The following VTI1A variants were observed in gnomAD, a reference collection of about 807,000 sequenced individuals.
The protein encoded by VTI1A is vesicle transport through interaction with t-SNAREs homolog 1A.
In VTI1A, 22 loss-of-function variants were observed where a neutral mutation model predicts 34.9. The observed-to-expected ratio is 0.63, with a 90% CI of 0.45 to 0.90. VTI1A has a LOEUF of 0.90. Ranked by LOEUF, VTI1A falls within the 40% of genes least tolerant of loss-of-function variation. VTI1A has a pLI of 0.00. For synonymous variants in VTI1A, 87 were observed against 97.3 expected, an observed-to-expected ratio of 0.89 and a Z score of 0.62; for missense variants, 268 against 275.6, an observed-to-expected ratio of 0.97 and a Z score of 0.20.
intron 1 of VTI1A, among the ~76,000 whole-genome samples, chr10:112,452,191 G>C (rs985069795): frequency 1.3e-5 from 2 of 152,128 alleles, no homozygotes; most frequent in Non-Finnish European, 2.9e-5. Context: ...ATGAGCTGCT[G>C]GGCAAGGTCC....
intron 5 of VTI1A, among the ~76,000 whole-genome samples, chr10:112,663,314 A>G (rs1253257326): frequency 1.3e-5 from 2 of 152,216 alleles, no homozygotes; most frequent in Non-Finnish European, 2.9e-5. Flanking sequence ...CGAAGTTGGT[A>G]TCAAAGTTGC....
chr10:112,505,531 G>A (rs1349809244), intron 3 of VTI1A, among the ~76,000 whole-genome samples: 3 of 152,066 alleles, frequency 2.0e-5, no homozygotes, highest in African/African-American at 7.2e-5. Flanking sequence ...AATAATAGTA[G>A]TGTTAGTGGT....
chr10:112,531,791 G>A (rs938416508), intron 4 of VTI1A, among the ~76,000 whole-genome samples: 1 of 152,144 alleles, frequency 6.6e-6, no homozygotes. Flanking sequence ...TTCCCAGATC[G>A]TCTCTTTCTG....
At chr10:112,570,244 AT>A (rs989660096) in intron 5 of VTI1A, among the ~76,000 whole-genome samples, 2,261 of 149,676 alleles carry the variant, frequency 0.015, 56 homozygotes, top group African/African-American at 0.053. Context: ...TGTGTACAAA[AT>A]TTTTTTTTTT....
At chr10:112,707,152 C>T (rs1256878714) in intron 7 of VTI1A, among the ~76,000 whole-genome samples, 4 of 151,846 alleles carry the variant, frequency 2.6e-5, no homozygotes, top group South Asian at 4.2e-4. Flanking sequence ...TTTTGTGGCG[C>T]GGGGAGGGGT....
At chr10:112,537,538 A>G (rs1049923747) in intron 4 of VTI1A, among the ~76,000 whole-genome samples, 3 of 151,922 alleles carry the variant, frequency 2.0e-5, no homozygotes, top group African/African-American at 7.2e-5. Context: ...AGAGGTATAT[A>G]TAATTACTGT....
chr10:112,478,032 C>CTT (rs1331146208), intron 3 of VTI1A, among the ~76,000 whole-genome samples: 7 of 152,038 alleles, frequency 4.6e-5, no homozygotes, highest in African/African-American at 1.7e-4. Flanking sequence ...AAATTTTTTA[C>CTT]TTTTTTGAAT....
chr10:112,698,778 A>G (rs573434646), intron 7 of VTI1A, among the ~76,000 whole-genome samples: 1 of 152,346 alleles, frequency 6.6e-6, no homozygotes, highest in African/African-American at 2.4e-5. Flanking sequence ...TCATTGTTGA[A>G]CACAGGCAGA....
At chr10:112,789,711 T>C (rs1852398701) in intron 7 of VTI1A, among the ~76,000 whole-genome samples, 1 of 152,200 alleles carries the variant, frequency 6.6e-6, no homozygotes, top group African/African-American at 2.4e-5. Flanking sequence ...TATATTCAAC[T>C]GTAGAATTTC....
intron 3 of VTI1A, among the ~76,000 whole-genome samples, chr10:112,475,422 A>G (rs1046781083): frequency 6.6e-6 from 1 of 152,230 alleles, no homozygotes; most frequent in South Asian, 2.1e-4. Context: ...ATTTAATTGC[A>G]GTTTTTTTCC....
rs574934427 is a variant in VTI1A, at chr10:112,645,424, G to T, written c.428-22794G>T. ...CCAGTGCTGTGCAGGATTCTTCTTG[G>T]GGGAGAGCAGCTTCCCTAGCATGTC... On this transcript the variant is annotated intron_variant, in intron 5 of 7. Coordinates refer to ENST00000393077, the MANE Select transcript of VTI1A (RefSeq NM_145206.4). Among the ~76,000 whole-genome samples the T allele has an allele frequency of 8.5e-5, 13 of 152,264 alleles. 1 individual carries two copies. The South Asian group carries it at 2.7e-3, about 32-fold the overall frequency.
chr10:112,824,237 T>G, the VTI1A span: 14,774 of 152,312 alleles, frequency 0.097, 1,158 homozygotes, highest in African/African-American at 0.22. Context: ...CTCTTGGTGC[T>G]AAAGTTCTCC....
intron 7 of VTI1A, among the ~76,000 whole-genome samples, chr10:112,775,344 C>T (rs185795656): frequency 2.6e-5 from 4 of 152,288 alleles, no homozygotes; most frequent in African/African-American, 9.6e-5. Flanking sequence ...TGTCCCAGTG[C>T]AGGCCCAAGT....
chr10:112,575,475 G>A (rs535460637), intron 5 of VTI1A, among the ~76,000 whole-genome samples: 1 of 152,308 alleles, frequency 6.6e-6, no homozygotes, highest in East Asian at 1.9e-4. Context: ...CAATGGTACA[G>A]CAGTTTTCTG....
At chr10:112,850,914 A>C in the VTI1A span, among the ~76,000 whole-genome samples, 5 of 152,298 alleles carry the variant, frequency 3.3e-5, no homozygotes, top group East Asian at 7.7e-4. Flanking sequence ...CTTTCCAAAG[A>C]AATGCCAGTT....
intron 1 of VTI1A, chr10:112,449,534 A>G (rs943122556): frequency 6.6e-5 from 10 of 152,330 alleles, no homozygotes; most frequent in Non-Finnish European, 1.3e-4. Context: ...CAGACGGATC[A>G]CCTGAGGTCG....
intron 7 of VTI1A, among the ~76,000 whole-genome samples, chr10:112,754,658 T>C (rs1851219080): frequency 6.6e-6 from 1 of 152,182 alleles, no homozygotes; most frequent in South Asian, 2.1e-4. Context: ...AACTGAGGCT[T>C]TCAAACCTCA....
chr10:112,777,403 A>G (rs946466537), intron 7 of VTI1A, among the ~76,000 whole-genome samples: 8 of 152,192 alleles, frequency 5.3e-5, no homozygotes, highest in African/African-American at 1.9e-4. Flanking sequence ...GACACCAACA[A>G]ATCAGTGCCA....
intron 7 of VTI1A, among the ~76,000 whole-genome samples, chr10:112,694,412 G>A (rs1233648221): frequency 6.6e-6 from 1 of 151,710 alleles, no homozygotes; most frequent in South Asian, 2.1e-4. Flanking sequence ...ATGGACGGAC[G>A]GACAGACTTA....
Sources: gnomAD v4.1 joint callset for allele counts (sites outside exome capture counted in the v4.1 genomes callset) on GRCh38, gnomAD v4.1.1 for gene constraint, MANE v1.5 for transcripts, NCBI Gene and HGNC (gene_info 2026-07-23, HGNC 2026-07-21) for gene names.